NFIA: variants seen among roughly 807,000 people sequenced by gnomAD.
The protein encoded by NFIA is nuclear factor I A, also known as nuclear factor 1 A-type.
Under a neutral mutation model 62.8 loss-of-function variants are expected in NFIA, and 8 were observed. That is an observed-to-expected ratio of 0.13 (90% CI 0.07 to 0.23). The LOEUF (loss-of-function observed/expected upper bound fraction) is 0.23. NFIA is among the 10% of genes least tolerant of loss of function. The probability of loss-of-function intolerance (pLI) is 1.00; values close to 1 mark genes in which losing one functional copy is unlikely to be tolerated. For synonymous variants in NFIA, 235 were observed against 238.1 expected (o/e 0.99, Z 0.12); for missense variants, 410 against 642.1 (o/e 0.64, Z 3.91).
At chr1:61,334,721 G>GT (rs1357019364) in intron 4 of NFIA, among the ~76,000 whole-genome samples, 2 of 151,204 alleles carry the variant, frequency 1.3e-5, no homozygotes, top group African/African-American at 4.9e-5. Flanking sequence ...CCTTTTAAGC[G>GT]TAAGATTGGA....
chr1:61,420,981 T>C (rs990787993), intron 9 of NFIA, among the ~76,000 whole-genome samples: 1 of 152,204 alleles, frequency 6.6e-6, no homozygotes, highest in African/African-American at 2.4e-5. Flanking sequence ...TATCTTCTCC[T>C]TTCCCTCCAC....
intron 2 of NFIA, among the ~76,000 whole-genome samples, chr1:61,186,464 G>A (rs574552800): frequency 6.6e-6 from 1 of 152,290 alleles, no homozygotes; most frequent in East Asian, 1.9e-4. Context: ...GCGTGCAACT[G>A]TGATGAGAAA....
At chr1:61,217,792 T>G (rs1321996050) in intron 2 of NFIA, among the ~76,000 whole-genome samples, 1 of 152,174 alleles carries the variant, frequency 6.6e-6, no homozygotes, top group African/African-American at 2.4e-5. Context: ...TAACAGAATA[T>G]AGGCCTAAAA....
At chr1:61,167,065 C>T (rs1334107322) in intron 2 of NFIA, among the ~76,000 whole-genome samples, 1 of 152,144 alleles carries the variant, frequency 6.6e-6, no homozygotes, top group African/African-American at 2.4e-5. Flanking sequence ...GGCATGAACC[C>T]AGGAGGTGGA....
intron 1 of NFIA, among the ~76,000 whole-genome samples, chr1:61,087,306 T>G (rs1646235074): frequency 6.6e-6 from 1 of 152,118 alleles, no homozygotes; most frequent in Non-Finnish European, 1.5e-5. Flanking sequence ...ATTTTTTAGG[T>G]ATGATTATTA....
chr1:61,319,689 G>A (rs1660564143), intron 3 of NFIA, among the ~76,000 whole-genome samples: 1 of 152,028 alleles, frequency 6.6e-6, no homozygotes, highest in South Asian at 2.1e-4. Context: ...TTCGAAGAAA[G>A]AGGAGCCTGT....
chr1:61,393,235 C>T (rs925200358), intron 7 of NFIA, among the ~76,000 whole-genome samples: 1 of 49,896 alleles, frequency 2.0e-5, no homozygotes, highest in Non-Finnish European at 3.2e-5. Context: ...TCTTCTGCCT[C>T]GCCCTCTCCC....
At chr1:61,122,916 TC>T (rs1646910480) in intron 2 of NFIA, among the ~76,000 whole-genome samples, 1 of 151,630 alleles carries the variant, frequency 6.6e-6, no homozygotes, top group Non-Finnish European at 1.5e-5. Flanking sequence ...CCTAATGCTC[TC>T]CCCCACCCAG....
chr1:61,080,952 CTTAACACATCACTCACCCTCACTTG>C (rs572386346), upstream of NFIA, among the ~76,000 whole-genome samples: 308 of 152,246 alleles, frequency 2.0e-3, no homozygotes, highest in African/African-American at 7.1e-3. Context: ...TGAGAGTGGC[CTTAACACATCACTCACCCTCACTTG>C]TTAACACATC....
chr1:61,453,643 C>T (rs1205011305), intron 10 of NFIA, among the ~76,000 whole-genome samples: 1 of 151,962 alleles, frequency 6.6e-6, no homozygotes, highest in African/African-American at 2.4e-5. Context: ...TCACAACCGA[C>T]TTAGAAAGTG....
rs1240772467 is a variant in NFIA at position 61,457,344 on chromosome 1, T to C, written c.*2024T>C. On this transcript the variant is annotated 3_prime_UTR_variant, in exon 11 of 11. Transcript: ENST00000403491. This position sits in a 1 kb window ranked among gnomAD's most constrained non-coding sequence, Gnocchi z 4.2. ...AGGGGTTTTTCCCTAGTCAAGCATT[T>C]GGAGACACTTTTTGTAAATGTGACT... 6.6e-6 allele frequency: 1 copy of C among 152,206 alleles called. No individual in the cohort carries two copies. Among genetic ancestry groups the C allele is most frequent in the African/African-American group, 2.4e-5 (1 of 41,458 alleles). The allele number at this position is 152,206 out of a possible 1,614,324, so 9.4% of individuals were successfully genotyped here.
chr1:61,204,114 G>A (rs1355342763), intron 2 of NFIA, among the ~76,000 whole-genome samples: 2 of 152,198 alleles, frequency 1.3e-5, no homozygotes, highest in African/African-American at 2.4e-5. Flanking sequence ...TGGTGAACTG[G>A]ACGGGGGCCT....
chr1:61,143,129 G>C (rs983253412), intron 2 of NFIA, among the ~76,000 whole-genome samples: 1 of 152,088 alleles, frequency 6.6e-6, no homozygotes, highest in Non-Finnish European at 1.5e-5. Flanking sequence ...GCTTTTTGGG[G>C]TGGCAAGAAA....
intron 3 of NFIA, among the ~76,000 whole-genome samples, chr1:61,315,999 A>G (rs184780518): frequency 6.6e-6 from 1 of 152,318 alleles, no homozygotes; most frequent in East Asian, 1.9e-4. Flanking sequence ...CAGCAACAAC[A>G]AAAGGAGATC....
At chr1:61,283,417 C>CA (rs778374669) in intron 3 of NFIA, among the ~76,000 whole-genome samples, 3,130 of 126,848 alleles carry the variant, frequency 0.025, 78 homozygotes, top group African/African-American at 0.062. Flanking sequence ...CTAAAAATAC[C>CA]AAAAAAAAAA....
At chr1:61,359,065 G>A in intron 5 of NFIA, 82 bp from the exon 6 acceptor site, 1 of 1,556,978 alleles carries the variant, frequency 6.4e-7, no homozygotes, top group South Asian at 1.2e-5. Flanking sequence ...TCCTCCCTTG[G>A]CTTTCTTTCA....
chr1:61,160,757 T>C lies in NFIA; in HGVS notation c.559+72077T>C, dbSNP rs561379372. Among the ~76,000 whole-genome samples the C allele has an allele frequency of 4.6e-4, 70 of 152,336 alleles. 1 individual carries two copies. Reference sequence around the variant, plus strand: ...CACACTGAGAAAGTTCTCTTCCATTTTAGTTTCCTCCTTACTCTCTTCCTG... The same window carrying C: ...CACACTGAGAAAGTTCTCTTCCATTCTAGTTTCCTCCTTACTCTCTTCCTG... On this transcript the variant is annotated intron_variant, in intron 2 of 10. Transcript: ENST00000403491.
chr1:61,256,030 C>A (rs1656370724), intron 2 of NFIA, among the ~76,000 whole-genome samples: 1 of 152,140 alleles, frequency 6.6e-6, no homozygotes, highest in Admixed American at 6.5e-5. Context: ...AATCTTTTGG[C>A]TTCCCTCGAC....
intron 2 of NFIA, among the ~76,000 whole-genome samples, chr1:61,269,983 C>T (rs1052935177): frequency 6.6e-5 from 10 of 152,190 alleles, no homozygotes; most frequent in African/African-American, 2.4e-4. Context: ...GAATAAACAA[C>T]GGCAAGCTGA....
Sources: allele counts gnomAD v4.1 joint callset (sites outside exome capture counted in the v4.1 genomes callset), GRCh38; gene constraint gnomAD v4.1.1; non-coding constraint Gnocchi (gnomAD v3.1); transcripts MANE v1.5; gene names NCBI Gene and HGNC (gene_info 2026-07-23, HGNC 2026-07-21).